The following MIOS variants were observed in gnomAD, a reference collection of about 807,000 sequenced individuals.
The protein encoded by MIOS is GATOR2 complex protein MIOS.
Under a neutral mutation model 96.9 loss-of-function variants are expected in MIOS, and 52 were observed. The observed-to-expected ratio is 0.54, with a 90% CI of 0.43 to 0.68. The LOEUF is 0.68. Among genes scored for constraint, MIOS ranks in the 30% least tolerant of loss-of-function variants. The pLI is 0.00. For missense variants in MIOS, 1,005 were observed against 1,052.8 expected (o/e 0.95, Z 0.63); for synonymous variants, 397 against 359.5 (o/e 1.10, Z -1.18).
In MIOS at chr7:7,585,652, T is replaced by C. The variant is rs1244324410; in HGVS notation, c.1665T>C (p.Asn555=). 1 of 1,587,930 alleles carries C rather than the reference T, an allele frequency of 6.3e-7. No homozygotes were observed. Among genetic ancestry groups the C allele is most frequent in the Non-Finnish European group, 8.6e-7 (1 of 1,168,716 alleles). The change falls in exon 7 of 13, where the codon AAT becomes AAC. Residue 555 remains asparagine (N), a synonymous_variant. Transcript: ENST00000340080. ...AATATGCAGGAGATCTGAATCTCAA[T>C]GTGGTAGCAATGGCTTTATCGGGTT... The part of the protein sequence containing the change: ...ASSEKGDLNL[N]VVAMALSGYT...
At position 7,596,452 on chromosome 7, in the gene MIOS, A is replaced by G; in HGVS notation, c.2392A>G (p.Ser798Gly). ...CATTAATATGGGAACACCAGTTTCT[A>G]GCTGTCCTGGTATGACATAATTTTA... ...CLINMGTPVS[S>G]CPGGTKSDEK... The change falls in exon 11 of 13, where the codon AGC becomes GGC. Residue 798 changes from serine (S) to glycine (G), a missense_variant. This residue lies in a region of MIOS where 865 missense variants were observed against 887.9 expected (regional missense o/e 0.97). Transcript: ENST00000340080. 6.2e-7 allele frequency: 1 copy of G among 1,613,696 alleles called. No homozygotes were observed. The highest frequency in any genetic ancestry group is 1.3e-5 in the African/African-American group (1 of 75,060).
At chr7:7,581,049 C>T (rs539750270) in intron 5 of MIOS, among the ~76,000 whole-genome samples, 10 of 149,696 alleles carry the variant, frequency 6.7e-5, no homozygotes, top group Admixed American at 4.7e-4. Flanking sequence ...AGGCCGGGCA[C>T]GGTGGCTCAT....
intron 5 of MIOS, among the ~76,000 whole-genome samples, chr7:7,581,151 G>A (rs1291034314): frequency 1.3e-5 from 2 of 151,200 alleles, no homozygotes; most frequent in African/African-American, 4.8e-5. Context: ...GCGAAACCCG[G>A]TCTCTACTAA....
rs200497679 is a variant in MIOS, at chr7:7,585,416, C to T, written c.1649-220C>T. 7.8e-3 allele frequency among the ~76,000 whole-genome samples: 569 copies of T among 73,336 alleles called. 7 individuals carry two copies. The highest frequency in any genetic ancestry group is 0.013 in the Middle Eastern group (2 of 150). The allele number at this position is 73,336 out of a possible 152,430, so 48.1% of individuals were successfully genotyped here. Reference sequence around the variant, plus strand: ...TCTGAATCAAAACCCAAACCCCCCCCTTTTTTTTTTTTTTCAAGAGTAAAG... The same window carrying T: ...TCTGAATCAAAACCCAAACCCCCCCTTTTTTTTTTTTTTTCAAGAGTAAAG... On this transcript the variant is annotated intron_variant, in intron 6 of 12. Transcript: ENST00000340080.
At chr7:7,604,016 A>G (rs1784453911) in intron 11 of MIOS, among the ~76,000 whole-genome samples, 1 of 150,980 alleles carries the variant, frequency 6.6e-6, no homozygotes, top group Non-Finnish European at 1.5e-5. Context: ...GAACAATTTG[A>G]GAACACATGG....
chr7:7,607,607 T>G lies in MIOS; in HGVS notation c.*515T>G, dbSNP rs1229934350. 1 of 153,054 alleles carries G rather than the reference T, an allele frequency of 6.5e-6. No homozygotes were observed. The highest frequency in any genetic ancestry group is 2.0e-4 in the South Asian group (1 of 4,902). 9.5% of individuals were successfully genotyped at this position (153,054 alleles called of 1,614,324 possible). On this transcript the variant is annotated 3_prime_UTR_variant, in exon 13 of 13. Coordinates refer to ENST00000340080, the MANE Select transcript of MIOS (RefSeq NM_019005.4). Reference sequence around the variant, plus strand: ...AGCCCCTATCCCACACTGGAGAATATTTTTTATTACTGTCTGTTATATATG... The same window carrying G: ...AGCCCCTATCCCACACTGGAGAATAGTTTTTATTACTGTCTGTTATATATG...
At chr7:7,598,898 G>A (rs939558656) in intron 11 of MIOS, among the ~76,000 whole-genome samples, 1 of 151,912 alleles carries the variant, frequency 6.6e-6, no homozygotes, top group Non-Finnish European at 1.5e-5. Context: ...TTCCATATTT[G>A]TTATAGAATT....
At chr7:7,583,006 A>G (rs923615949) in intron 5 of MIOS, 112 bp from the exon 6 acceptor site, 2 of 1,194,340 alleles carry the variant, frequency 1.7e-6, no homozygotes, top group Non-Finnish European at 1.1e-6. Context: ...TCATAAAATT[A>G]TGGCCGAGAA....
At chr7:7,590,964 T>A (rs1252743218) in intron 9 of MIOS, among the ~76,000 whole-genome samples, 1 of 152,226 alleles carries the variant, frequency 6.6e-6, no homozygotes, top group African/African-American at 2.4e-5. Flanking sequence ...TATATTTTAC[T>A]TTTACAGATA....
chr7:7,599,103 G>A (rs1187796357), intron 11 of MIOS, among the ~76,000 whole-genome samples: 1 of 152,046 alleles, frequency 6.6e-6, no homozygotes, highest in Non-Finnish European at 1.5e-5. Flanking sequence ...ATAAATACTG[G>A]TCTACAATGC....
Position 7,594,986 on chromosome 7 carries a change from C to T in MIOS, c.2050C>T (p.Pro684Ser). Reference sequence around the variant, plus strand: ...ATTCATGTTTTCGTTTTAGGGTTCACCTTTAGATGTTCTTAAAGATGAAAG... The same window carrying T: ...ATTCATGTTTTCGTTTTAGGGTTCATCTTTAGATGTTCTTAAAGATGAAAG... ...TASYCMLQGS[P>S]LDVLKDERVQ... The change falls in exon 10 of 13, where the codon CCT becomes TCT. Residue 684 changes from proline (P) to serine (S), a missense_variant. Physicochemically the swap from Pro to Ser is moderately conservative, Grantham distance 74. Coordinates refer to ENST00000340080, the MANE Select transcript of MIOS (RefSeq NM_019005.4). 6.2e-7 allele frequency: 1 copy of T among 1,604,646 alleles called. No individual in the cohort carries two copies. Among genetic ancestry groups the T allele is most frequent in the Non-Finnish European group, 8.5e-7 (1 of 1,176,144 alleles).
Position 7,583,384 on chromosome 7 carries a change from T to C in MIOS, c.1648+12T>C. The C allele has an allele frequency of 6.4e-7, 1 of 1,566,438 alleles. No homozygotes were observed. The highest frequency in any genetic ancestry group is 1.4e-5 in the African/African-American group (1 of 73,478). On this transcript the variant is annotated intron_variant, in intron 6 of 12. Coordinates refer to ENST00000340080, the MANE Select transcript of MIOS (RefSeq NM_019005.4). ...ATCTTCTGAAAAAGGTATTAGGTTATAAACTAAGATATTAGTTATAATCTA... is the reference window on the plus strand; with the variant it reads ...ATCTTCTGAAAAAGGTATTAGGTTACAAACTAAGATATTAGTTATAATCTA...
intron 11 of MIOS, among the ~76,000 whole-genome samples, chr7:7,602,817 C>G (rs945837017): frequency 3.3e-5 from 5 of 152,062 alleles, no homozygotes; most frequent in Non-Finnish European, 7.4e-5. Context: ...TGACTTCAAA[C>G]TATACTACAA....
chr7:7,572,172 A>G lies in MIOS; in HGVS notation c.-40-264A>G, dbSNP rs1783377735. Among the ~76,000 whole-genome samples, 3 of 152,220 alleles carry G rather than the reference A, an allele frequency of 2.0e-5. No homozygotes were observed. Among genetic ancestry groups the G allele is most frequent in the African/African-American group, 7.2e-5 (3 of 41,454 alleles). On this transcript the variant is annotated intron_variant, in intron 3 of 12. Transcript: ENST00000340080. This position sits in a 1 kb window ranked among gnomAD's most constrained non-coding sequence, Gnocchi z 4.8. ...AGCTGAAGGTACTAGTAACAGTGCAATTAAGATAATTGATCATGGGAAATA... is the reference window on the plus strand; with the variant it reads ...AGCTGAAGGTACTAGTAACAGTGCAGTTAAGATAATTGATCATGGGAAATA...
Position 7,572,604 on chromosome 7 carries a change from A to G in MIOS, c.129A>G (p.Leu43=), listed in dbSNP as rs1462372489. ...TVNSELKAGS[L]RLSEDSAATL... is the part of the protein sequence containing the mutation. Reference sequence around the variant, plus strand: ...ATTCAGAACTCAAAGCTGGATCTTTACGTTTATCTGAAGACTCTGCAGCTA... The same window carrying G: ...ATTCAGAACTCAAAGCTGGATCTTTGCGTTTATCTGAAGACTCTGCAGCTA... The change falls in exon 4 of 13, where the codon TTA becomes TTG. Residue 43 remains leucine, a synonymous_variant. Transcript: ENST00000340080. The surrounding 1 kb of genome is among the most constrained non-coding windows in gnomAD (Gnocchi z 4.8). 1.2e-6 allele frequency: 2 copies of G among 1,614,134 alleles called. No homozygotes were observed. The highest frequency in any genetic ancestry group is 8.5e-7 in the Non-Finnish European group (1 of 1,180,008).
chr7:7,595,165 T>G (rs1157183681), intron 10 of MIOS, 33 bp downstream of exon 10: 1 of 1,584,010 alleles, frequency 6.3e-7, no homozygotes, highest in African/African-American at 1.4e-5. Flanking sequence ...AATCAAATTG[T>G]AACATGTTGA....
At chr7:7,598,085 C>T (rs1320273445) in intron 11 of MIOS, among the ~76,000 whole-genome samples, 2 of 152,070 alleles carry the variant, frequency 1.3e-5, no homozygotes, top group Non-Finnish European at 2.9e-5. Flanking sequence ...TGGAATTATT[C>T]CAGCTCTTTA....
rs1783156344 is a variant in MIOS at position 7,566,942 on chromosome 7, T to A, written c.-351T>A. 6.6e-6 allele frequency: 1 copy of A among 151,542 alleles called. No individual in the cohort carries two copies. Among genetic ancestry groups the A allele is most frequent in the Non-Finnish European group, 1.5e-5 (1 of 67,622 alleles). 9.4% of individuals were successfully genotyped at this position (151,542 alleles called of 1,614,324 possible). ...CCAGGCGTGGTGGTGGGGTCGTGGG[T>A]CCCAGCCCAGTGGTCCAGGTCACGG... On this transcript the variant is annotated 5_prime_UTR_variant, in exon 1 of 13. Coordinates refer to ENST00000340080, the MANE Select transcript of MIOS (RefSeq NM_019005.4).
chr7:7,578,487 G>C (rs1283692918), intron 5 of MIOS, among the ~76,000 whole-genome samples: 4 of 152,116 alleles, frequency 2.6e-5, no homozygotes, highest in African/African-American at 9.7e-5. Context: ...TAGAGACCCT[G>C]TCTCTCTTTT....
Sources: gnomAD v4.1 joint callset for allele counts (sites outside exome capture counted in the v4.1 genomes callset) on GRCh38, gnomAD v4.1.1 for gene constraint, gnomAD v4.1.1 regional missense constraint, Gnocchi (gnomAD v3.1) non-coding constraint, MANE v1.5 for transcripts, NCBI Gene and HGNC (gene_info 2026-07-23, HGNC 2026-07-21) for gene names.